SDK1: variants seen among roughly 807,000 people sequenced by gnomAD.
SDK1 encodes the protein protein sidekick-1.
In SDK1, 157 loss-of-function variants were observed where a neutral mutation model predicts 245.5. That is an observed-to-expected ratio of 0.64 (90% confidence interval 0.56 to 0.73). The LOEUF (loss-of-function observed/expected upper bound fraction) is 0.73, where lower values mean the gene tolerates loss of function less well. Among genes scored for constraint, SDK1 ranks in the 30% least tolerant of loss-of-function variants. The probability of loss-of-function intolerance (pLI) is 0.00; values close to 1 mark genes in which losing one functional copy is unlikely to be tolerated. For synonymous variants in SDK1, 1,647 were observed against 1,278.5 expected (o/e 1.29, Z -6.15); for missense variants, 3,583 against 3,002.3 (o/e 1.19, Z -4.52).
intron 19 of SDK1, among the ~76,000 whole-genome samples, chr7:4,063,936 G>A (rs565604438): frequency 1.7e-4 from 26 of 152,172 alleles, no homozygotes; most frequent in African/African-American, 6.0e-4. Context: ...ACTCAAGATG[G>A]ATTAAAGACT....
intron 2 of SDK1, among the ~76,000 whole-genome samples, chr7:3,637,086 CGTGTGTGTGT>C (rs57931328): frequency 6.7e-6 from 1 of 148,354 alleles, no homozygotes; most frequent in African/African-American, 2.5e-5. Flanking sequence ...TGCGTGCGCG[CGTGTGTGTGT>C]GTGTGTGTGT....
At chr7:3,362,523 A>G (rs893582878) in intron 1 of SDK1, among the ~76,000 whole-genome samples, 2 of 152,282 alleles carry the variant, frequency 1.3e-5, no homozygotes, top group African/African-American at 2.4e-5. Context: ...ATTTTTTCCT[A>G]TATCTTTACA....
chr7:3,439,624 G>T (rs1780135199), intron 1 of SDK1, among the ~76,000 whole-genome samples: 1 of 152,068 alleles, frequency 6.6e-6, no homozygotes, highest in African/African-American at 2.4e-5. Context: ...CTTTCTAATG[G>T]GATTTAAAAA....
At chr7:3,857,299 AG>A (rs1780571773) in intron 5 of SDK1, among the ~76,000 whole-genome samples, 1 of 152,170 alleles carries the variant, frequency 6.6e-6, no homozygotes, top group Admixed American at 6.5e-5. Flanking sequence ...AGGAGGAGAA[AG>A]GGGAAAAAGA....
At chr7:3,588,566 A>G (rs560220672) in intron 1 of SDK1, among the ~76,000 whole-genome samples, 21 of 152,304 alleles carry the variant, frequency 1.4e-4, no homozygotes, top group African/African-American at 4.8e-4. Context: ...GTGCGTTCCT[A>G]GATTCATTGT....
intron 1 of SDK1, among the ~76,000 whole-genome samples, chr7:3,538,283 C>G (rs923755955): frequency 1.3e-5 from 2 of 152,152 alleles, no homozygotes; most frequent in Non-Finnish European, 2.9e-5. Context: ...GTGATGTTTT[C>G]CAGCTGTCCG....
chr7:3,790,009 C>T lies in SDK1; in HGVS notation c.714-31441C>T, dbSNP rs10262756. Among the ~76,000 whole-genome samples, 847 of 152,140 alleles carry T rather than the reference C, an allele frequency of 5.6e-3. 9 individuals are homozygous for T. The highest frequency in any genetic ancestry group is 0.02 in the African/African-American group (814 of 41,506). On this transcript the variant is annotated intron_variant, in intron 4 of 44. Transcript: ENST00000404826. ...AACTCTGCACCATTTCCTGCCACCA[C>T]CTCTCCCCCTTCCCGAGGACCAAAT...
chr7:3,642,146 A>G lies in SDK1; in HGVS notation c.713+41A>G, dbSNP rs769917373. The G allele has an allele frequency of 2.5e-6, 4 of 1,593,004 alleles. No individual in the cohort carries two copies. In the African/African-American group the frequency reaches 4.1e-5, roughly 16 times the overall value. ...CGTTAAAGCTTCAAATACAATTGTA[A>G]TGTCACTTGCTGGCACCATCTACAC... On this transcript the variant is annotated intron_variant, in intron 4 of 44. Transcript: ENST00000404826.
At chr7:3,912,423 G>A (rs546421356) in intron 5 of SDK1, among the ~76,000 whole-genome samples, 40 of 152,370 alleles carry the variant, frequency 2.6e-4, no homozygotes, top group African/African-American at 9.4e-4. Context: ...AAATAAGCAA[G>A]TACAACACCA....
At chr7:3,716,810 A>T (rs992274812) in intron 4 of SDK1, among the ~76,000 whole-genome samples, 1 of 152,026 alleles carries the variant, frequency 6.6e-6, no homozygotes, top group African/African-American at 2.4e-5. Flanking sequence ...AACTAAGGAA[A>T]AATCAGATAA....
chr7:3,731,501 ATTC>A (rs775252330), intron 4 of SDK1, among the ~76,000 whole-genome samples: 8 of 152,170 alleles, frequency 5.3e-5, no homozygotes, highest in Non-Finnish European at 1.0e-4. Flanking sequence ...TTCTTCTGCT[ATTC>A]TTTCATGTTT....
intron 1 of SDK1, among the ~76,000 whole-genome samples, chr7:3,539,035 T>C (rs1778977440): frequency 6.6e-6 from 1 of 152,156 alleles, no homozygotes; most frequent in Non-Finnish European, 1.5e-5. Flanking sequence ...GGAAAGAGTG[T>C]CTGGTTGTTG....
chr7:3,815,017 A>C (rs1779472460), intron 4 of SDK1, among the ~76,000 whole-genome samples: 1 of 146,468 alleles, frequency 6.8e-6, no homozygotes, highest in Non-Finnish European at 1.5e-5. Flanking sequence ...TTTTGGGCTG[A>C]GACAATGGGG....
intron 4 of SDK1, among the ~76,000 whole-genome samples, chr7:3,809,576 C>A (rs1779334435): frequency 6.6e-6 from 1 of 152,188 alleles, no homozygotes; most frequent in African/African-American, 2.4e-5. Context: ...CAAAGAGGAA[C>A]AAATGTGGTG....
chr7:4,049,604 A>G, intron 18 of SDK1, 141 bp downstream of exon 18: 1 of 626,152 alleles, frequency 1.6e-6, no homozygotes, highest in Non-Finnish European at 2.9e-6. Flanking sequence ...TGAGACCACC[A>G]TTTATCCAAA....
chr7:3,443,567 A>T (rs936769945), intron 1 of SDK1, among the ~76,000 whole-genome samples: 4 of 152,188 alleles, frequency 2.6e-5, no homozygotes, highest in Non-Finnish European at 4.4e-5. Context: ...CTAGTTACAA[A>T]ATCCATAGTG....
chr7:4,073,507 T>A (rs1210949270), intron 20 of SDK1, among the ~76,000 whole-genome samples: 1 of 152,236 alleles, frequency 6.6e-6, no homozygotes, highest in African/African-American at 2.4e-5. Flanking sequence ...CAGCTCTAGG[T>A]CGACATGACA....
intron 21 of SDK1, among the ~76,000 whole-genome samples, chr7:4,078,826 C>T (rs1780869698): frequency 6.6e-6 from 1 of 152,168 alleles, no homozygotes; most frequent in African/African-American, 2.4e-5. Flanking sequence ...ACCCACCTTC[C>T]ACCTTATCCA....
At chr7:4,213,417 A>C (rs1335698808) in intron 38 of SDK1, among the ~76,000 whole-genome samples, 1 of 151,206 alleles carries the variant, frequency 6.6e-6, no homozygotes, top group East Asian at 1.9e-4. Context: ...GTCTCAAAAA[A>C]AAAAAAAGAA....
Sources: allele counts gnomAD v4.1 joint callset (sites outside exome capture counted in the v4.1 genomes callset), GRCh38; gene constraint gnomAD v4.1.1; transcripts MANE v1.5; gene names NCBI Gene and HGNC (gene_info 2026-07-23, HGNC 2026-07-21).